SPEF2: variants seen among roughly 807,000 people sequenced by gnomAD.
The protein encoded by SPEF2 is sperm flagellar and cilia associated 2, also known as sperm flagella and cilia-associated protein 2.
In SPEF2, 187 loss-of-function variants were observed where a neutral mutation model predicts 224.6. That is an observed-to-expected ratio of 0.83 (90% CI 0.74 to 0.94). SPEF2 has a LOEUF of 0.94. Among genes scored for constraint, SPEF2 ranks in the 40% least tolerant of loss-of-function variants. The pLI is 0.00. For missense variants in SPEF2, 2,170 were observed against 2,135.6 expected, an observed-to-expected ratio of 1.02 and a Z score of -0.32; for synonymous variants, 715 against 707.3, an observed-to-expected ratio of 1.01 and a Z score of -0.17.
intron 24 of SPEF2, among the ~76,000 whole-genome samples, chr5:35,755,575 G>C (rs557308862): frequency 6.6e-6 from 1 of 152,142 alleles, no homozygotes; most frequent in Non-Finnish European, 1.5e-5. Context: ...TTCTTACTAT[G>C]TACATGCCAG....
In SPEF2 at chr5:35,732,540, C is replaced by T. The variant is rs549913083; in HGVS notation, c.3063+4717C>T. On this transcript the variant is annotated intron_variant, in intron 21 of 36. Coordinates refer to ENST00000356031, the MANE Select transcript of SPEF2 (RefSeq NM_024867.4). ...TTTAGATACATGAACCCTTAAGGTA[C>T]GGTTAGACATACGATCTTAGGCTTT... Among the ~76,000 whole-genome samples the T allele has an allele frequency of 3.5e-4, 54 of 152,174 alleles. 1 individual carries two copies. The highest frequency in any genetic ancestry group is 3.4e-3 in the Middle Eastern group (1 of 294).
chr5:35,623,300 T>G lies in SPEF2; in HGVS notation c.59-5160T>G, dbSNP rs573425302. Among the ~76,000 whole-genome samples the G allele has an allele frequency of 7.9e-5, 12 of 152,260 alleles. No homozygotes were observed. In the South Asian group the frequency reaches 1.2e-3, roughly 16 times the overall value. On this transcript the variant is annotated intron_variant, in intron 1 of 36. Transcript: ENST00000356031. ...CTGGTTCCAAGCCTTCAGCAGGGTTTGTTTGTTTGTTTGTTTGTTTTTGTT... is the reference window on the plus strand; with the variant it reads ...CTGGTTCCAAGCCTTCAGCAGGGTTGGTTTGTTTGTTTGTTTGTTTTTGTT...
intron 21 of SPEF2, among the ~76,000 whole-genome samples, chr5:35,731,903 T>C (rs769450486): frequency 3.3e-5 from 5 of 152,180 alleles, no homozygotes; most frequent in Non-Finnish European, 7.3e-5. Context: ...ACATTATCCA[T>C]GACTCACAGA....
In SPEF2 at chr5:35,800,156, A is replaced by C; in HGVS notation, c.5010+9A>C. The stretch of plus-strand genomic sequence containing the variant: ...TTCCAAGTGCAGAAAAGGTAATTGC[A>C]TTCCAGAAATAGACTAACTATAGAG... On this transcript the variant is annotated intron_variant, in intron 34 of 36. Transcript: ENST00000356031. The C allele has an allele frequency of 6.2e-7, 1 of 1,613,902 alleles. No homozygotes were observed. The highest frequency in any genetic ancestry group is 8.5e-7 in the Non-Finnish European group (1 of 1,179,858).
At chr5:35,640,609 AG>A (rs1363657442) in intron 2 of SPEF2, among the ~76,000 whole-genome samples, 1 of 152,204 alleles carries the variant, frequency 6.6e-6, no homozygotes, top group East Asian at 1.9e-4. Flanking sequence ...CATGCTGAGA[AG>A]GTTTTCTTGT....
intron 20 of SPEF2, among the ~76,000 whole-genome samples, chr5:35,719,664 T>C (rs1239716869): frequency 2.0e-5 from 3 of 151,930 alleles, no homozygotes; most frequent in Non-Finnish European, 2.9e-5. Flanking sequence ...CTCTGTCACC[T>C]AGGTTGGGGT....
chr5:35,793,727 A>AACACACACAC lies in SPEF2; in HGVS notation c.4737+418_4737+427dup, dbSNP rs374573342. ...CCAGCGTAGAAAGAACAGTGGTTAA[A>AACACACACAC]ACACACACACACACACACACACACA... On this transcript the variant is annotated intron_variant, in intron 32 of 36. Transcript: ENST00000356031. Among the ~76,000 whole-genome samples the AACACACACAC allele has an allele frequency of 1.0e-3, 101 of 100,886 alleles. 1 individual carries two copies. Among genetic ancestry groups the AACACACACAC allele is most frequent in the African/African-American group, 2.9e-3 (95 of 32,522 alleles). 66.2% of individuals were successfully genotyped at this position (100,886 alleles called of 152,430 possible).
At chr5:35,696,576 C>T (rs560628149) in intron 14 of SPEF2, among the ~76,000 whole-genome samples, 1 of 152,270 alleles carries the variant, frequency 6.6e-6, no homozygotes, top group African/African-American at 2.4e-5. Context: ...ATTCCAAGAG[C>T]ATACATTGTT....
intron 1 of SPEF2, 36 bp downstream of exon 1, chr5:35,618,091 GC>G: frequency 1.9e-6 from 3 of 1,561,522 alleles, no homozygotes; most frequent in Non-Finnish European, 2.6e-6. Context: ...CGTCTGAGGG[GC>G]TAGCGGGGCG....
At chr5:35,624,024 C>T (rs1422661278) in intron 1 of SPEF2, among the ~76,000 whole-genome samples, 1 of 152,214 alleles carries the variant, frequency 6.6e-6, no homozygotes, top group East Asian at 1.9e-4. Context: ...AGCCACAAGT[C>T]TAACAGAGAA....
Position 35,781,688 on chromosome 5 carries a change from A to G in SPEF2, c.4447+2342A>G, listed in dbSNP as rs1243992318. The G allele has an allele frequency of 2.0e-5, 3 of 152,188 alleles. No homozygotes were observed. The East Asian group carries it at 5.8e-4, about 29-fold the overall frequency. 9.4% of individuals were successfully genotyped at this position (152,188 alleles called of 1,614,324 possible). ...AATACGGTAGGATTTGGGGATTGTG[A>G]TGATTCAAAGTGAGTTATGTATGGT... On this transcript the variant is annotated intron_variant, in intron 30 of 36. Coordinates refer to ENST00000356031, the MANE Select transcript of SPEF2 (RefSeq NM_024867.4).
intron 8 of SPEF2, among the ~76,000 whole-genome samples, chr5:35,666,275 A>G (rs146848977): frequency 3.3e-5 from 5 of 152,320 alleles, no homozygotes; most frequent in African/African-American, 1.2e-4. Context: ...AAGCTGGCGT[A>G]GCTATCTGAA....
At chr5:35,756,724 CA>C in intron 24 of SPEF2, among the ~76,000 whole-genome samples, 1 of 152,318 alleles carries the variant, frequency 6.6e-6, no homozygotes. Flanking sequence ...AGATGTTTCA[CA>C]AAACAAGGAC....
chr5:35,718,727 C>T (rs1284556174), intron 20 of SPEF2, among the ~76,000 whole-genome samples: 2 of 152,182 alleles, frequency 1.3e-5, no homozygotes, highest in Non-Finnish European at 2.9e-5. Context: ...TGACCTTTAT[C>T]CATGAAACAG....
At chr5:35,708,699 C>T (rs1561236690) in intron 18 of SPEF2, among the ~76,000 whole-genome samples, 1 of 149,338 alleles carries the variant, frequency 6.7e-6, no homozygotes, top group African/African-American at 2.5e-5. Flanking sequence ...CCATCACCAT[C>T]ACCACCACTA....
At chr5:35,664,438 C>T (rs1750164294) in intron 8 of SPEF2, among the ~76,000 whole-genome samples, 1 of 152,062 alleles carries the variant, frequency 6.6e-6, no homozygotes, top group East Asian at 1.9e-4. Flanking sequence ...CACCTGTAAT[C>T]CCACCACTTT....
At chr5:35,813,700 A>G (rs989250288) in intron 36 of SPEF2, among the ~76,000 whole-genome samples, 8 of 152,196 alleles carry the variant, frequency 5.3e-5, no homozygotes, top group Admixed American at 4.6e-4. Flanking sequence ...TCAATTGGCA[A>G]GGGTCAGCAC....
In SPEF2 at chr5:35,644,510, T is replaced by A; in HGVS notation, c.570T>A (p.Cys190Ter). 1.9e-6 allele frequency: 3 copies of A among 1,600,878 alleles called. No homozygotes were observed. Among genetic ancestry groups the A allele is most frequent in the Non-Finnish European group, 2.6e-6 (3 of 1,176,068 alleles). Residue 190 changes from cysteine to a stop codon, truncating the protein, a stop_gained, in exon 4 of 37, where the codon TGT becomes TGA. Transcript: ENST00000356031. LOFTEE classifies it high-confidence loss of function. ...AAAAACTCAAGGAAGAGCAAAGATG[T>A]TTTGATATTGAAAAGGTTCTATAGA... The part of the protein sequence containing the change: ...RFQKLKEEQR[C>*]FDIEKQYLNR...
intron 3 of SPEF2, 120 bp from the exon 4 acceptor site, chr5:35,644,235 T>G (rs1747025175): frequency 1.2e-6 from 1 of 844,798 alleles, no homozygotes; most frequent in Non-Finnish European, 1.7e-6. Context: ...GAATTTAGCT[T>G]AACTATCAAC....
Sources: allele counts gnomAD v4.1 joint callset (sites outside exome capture counted in the v4.1 genomes callset), GRCh38; gene constraint gnomAD v4.1.1; transcripts MANE v1.5; gene names NCBI Gene and HGNC (gene_info 2026-07-23, HGNC 2026-07-21).